The following SMYD3 variants were observed in gnomAD, a reference collection of about 807,000 sequenced individuals.
SMYD3 encodes the protein SET and MYND domain containing 3.
SMYD3 carries 36 observed loss-of-function variants against 57.7 expected under a neutral mutation model. That is an observed-to-expected ratio of 0.62 (90% confidence interval 0.48 to 0.82). SMYD3 has a LOEUF of 0.82. Among genes scored for constraint, SMYD3 ranks in the 40% least tolerant of loss-of-function variants. The pLI, the probability that SMYD3 is intolerant of heterozygous loss-of-function variation, is 0.00. For synonymous variants in SMYD3, 211 were observed against 195.0 expected, an observed-to-expected ratio of 1.08 and a Z score of -0.68; for missense variants, 515 against 538.8, an observed-to-expected ratio of 0.96 and a Z score of 0.44.
At chr1:246,276,545 A>G (rs1208809159) in intron 5 of SMYD3, among the ~76,000 whole-genome samples, 4 of 148,432 alleles carry the variant, frequency 2.7e-5, no homozygotes, top group South Asian at 2.1e-4. Context: ...AACACTGGCA[A>G]GTTATTTAAT....
chr1:246,103,478 C>T (rs1036341031), intron 5 of SMYD3, among the ~76,000 whole-genome samples: 6 of 151,954 alleles, frequency 3.9e-5, no homozygotes, highest in African/African-American at 1.4e-4. Context: ...CACCTGGCCC[C>T]CCATCTCTTC....
chr1:245,889,009 C>T (rs1237398427), intron 8 of SMYD3, among the ~76,000 whole-genome samples: 8 of 152,130 alleles, frequency 5.3e-5, no homozygotes, highest in African/African-American at 1.2e-4. Context: ...CACTAGAGGG[C>T]GCAGTTAATG....
intron 5 of SMYD3, among the ~76,000 whole-genome samples, chr1:246,255,316 TATTATA>T (rs1415576453): frequency 1.2e-4 from 18 of 149,122 alleles, no homozygotes; most frequent in African/African-American, 4.5e-4. Flanking sequence ...TGATGGATCT[TATTATA>T]ATAATAATTA....
chr1:245,893,662 T>C (rs552662646), intron 8 of SMYD3, among the ~76,000 whole-genome samples: 5 of 152,166 alleles, frequency 3.3e-5, no homozygotes, highest in East Asian at 3.9e-4. Context: ...AGAAAGAAGA[T>C]TTGGGTTAGC....
chr1:246,113,850 T>C (rs760645274), intron 5 of SMYD3: 1 of 152,166 alleles, frequency 6.6e-6, no homozygotes, highest in Non-Finnish European at 1.5e-5. Context: ...ACAATAAACA[T>C]ATCTGCTGAG....
intron 5 of SMYD3, among the ~76,000 whole-genome samples, chr1:246,049,373 T>C (rs928424932): frequency 6.6e-6 from 1 of 152,034 alleles, no homozygotes; most frequent in Non-Finnish European, 1.5e-5. Flanking sequence ...CTCAGCTCAC[T>C]GCAAGCTCTG....
At chr1:245,947,106 T>C (rs2057450818) in intron 5 of SMYD3, among the ~76,000 whole-genome samples, 1 of 152,236 alleles carries the variant, frequency 6.6e-6, no homozygotes, top group Non-Finnish European at 1.5e-5. Context: ...TGGGGATTAC[T>C]GAAGACCAGC....
At chr1:245,838,875 C>A (rs1165185338) in intron 10 of SMYD3, among the ~76,000 whole-genome samples, 1 of 152,210 alleles carries the variant, frequency 6.6e-6, no homozygotes, top group African/African-American at 2.4e-5. Context: ...TACAATCCCA[C>A]CCGTATGAAA....
At chr1:246,299,879 C>G (rs1015804016) in intron 5 of SMYD3, among the ~76,000 whole-genome samples, 1 of 128,100 alleles carries the variant, frequency 7.8e-6, no homozygotes, top group African/African-American at 2.9e-5. Flanking sequence ...AAAACGACTA[C>G]TGGGTACTAG....
intron 5 of SMYD3, among the ~76,000 whole-genome samples, chr1:246,184,948 T>A (rs1191012710): frequency 2.0e-5 from 3 of 152,206 alleles, no homozygotes. Flanking sequence ...CATTGATGCT[T>A]AATAGTGACT....
At chr1:246,433,069 C>T (rs544331968) in intron 1 of SMYD3, among the ~76,000 whole-genome samples, 2 of 152,246 alleles carry the variant, frequency 1.3e-5, no homozygotes, top group East Asian at 1.9e-4. Context: ...ACCTATAAAA[C>T]CCTAAAGACT....
chr1:245,818,233 G>T (rs2048964026), intron 10 of SMYD3, among the ~76,000 whole-genome samples: 1 of 152,174 alleles, frequency 6.6e-6, no homozygotes. Flanking sequence ...AGAGAGTGGG[G>T]AGCAATATTC....
chr1:245,933,411 TTTA>T (rs1302923433), intron 5 of SMYD3, among the ~76,000 whole-genome samples: 2 of 152,222 alleles, frequency 1.3e-5, no homozygotes, highest in African/African-American at 4.8e-5. Flanking sequence ...TTTAAATTGT[TTTA>T]TTATTGAATG....
chr1:246,440,784 C>CA (rs2067450810), intron 1 of SMYD3, among the ~76,000 whole-genome samples: 2 of 152,182 alleles, frequency 1.3e-5, no homozygotes, highest in South Asian at 4.1e-4. Flanking sequence ...TACAAGTTCA[C>CA]AAAATCCCTT....
chr1:245,879,620 G>A (rs1429931307), intron 8 of SMYD3, among the ~76,000 whole-genome samples: 1 of 152,194 alleles, frequency 6.6e-6, no homozygotes, highest in Non-Finnish European at 1.5e-5. Context: ...TTCATCAGGA[G>A]AGAGCAGAAT....
rs1156393004 is a variant in SMYD3 at position 246,481,607 on chromosome 1, T to TATATATATATATATATATATATATACAC, written c.164+25446_164+25447insGTGTATATATATATATATATATATATAT. Among the ~76,000 whole-genome samples the TATATATATATATATATATATATATACAC allele has an allele frequency of 1.9e-3, 120 of 61,940 alleles. 6 individuals carry two copies. Among genetic ancestry groups the TATATATATATATATATATATATATACAC allele is most frequent in the African/African-American group, 4.6e-3 (93 of 20,364 alleles). The allele number at this position is 61,940 out of a possible 152,430, so 40.6% of individuals were successfully genotyped here. ...TTCTCAGGCTCCATATATATATATA[T>TATATATATATATATATATATATATACAC]ACACATACATATATACATACATACA... On this transcript the variant is annotated intron_variant, in intron 1 of 11. Coordinates refer to ENST00000490107, the MANE Select transcript of SMYD3 (RefSeq NM_001167740.2).
chr1:245,810,353 C>A (rs1312881926), intron 10 of SMYD3, among the ~76,000 whole-genome samples: 2 of 152,178 alleles, frequency 1.3e-5, no homozygotes, highest in Non-Finnish European at 2.9e-5. Flanking sequence ...TGGGGATGAC[C>A]CCCATGACTC....
At chr1:246,208,839 T>C (rs928585561) in intron 5 of SMYD3, among the ~76,000 whole-genome samples, 5 of 151,550 alleles carry the variant, frequency 3.3e-5, no homozygotes, top group African/African-American at 4.9e-5. Flanking sequence ...AAACAGCATG[T>C]GGAATGGGGG....
At chr1:246,418,896 G>A (rs1162805143) in intron 1 of SMYD3, among the ~76,000 whole-genome samples, 1 of 152,132 alleles carries the variant, frequency 6.6e-6, no homozygotes, top group Non-Finnish European at 1.5e-5. Context: ...CAGATGGCCT[G>A]AAGCAACTGA....
Sources: allele counts gnomAD v4.1 joint callset (sites outside exome capture counted in the v4.1 genomes callset), GRCh38; gene constraint gnomAD v4.1.1; transcripts MANE v1.5; gene names NCBI Gene and HGNC (gene_info 2026-07-23, HGNC 2026-07-21).